Variants in ARHGEF7 observed in about 807,000 individuals in gnomAD.
The protein encoded by ARHGEF7 is Rho guanine nucleotide exchange factor 7.
A neutral mutation model predicts 109.8 loss-of-function variants in ARHGEF7; 33 were observed. That is an observed-to-expected ratio of 0.30 (90% confidence interval 0.23 to 0.40). The LOEUF (loss-of-function observed/expected upper bound fraction) is 0.40, where lower values mean the gene tolerates loss of function less well. Ranked by LOEUF, ARHGEF7 falls within the 10% of genes least tolerant of loss-of-function variation. ARHGEF7 has a pLI of 1.00. For synonymous variants in ARHGEF7, 458 were observed against 424.6 expected, an observed-to-expected ratio of 1.08 and a Z score of -0.97; for missense variants, 938 against 1,098.5, an observed-to-expected ratio of 0.85 and a Z score of 2.07.
chr13:111,115,408 C>T lies in ARHGEF7; in HGVS notation c.-119C>T. 2.7e-6 allele frequency: 2 copies of T among 739,480 alleles called. No homozygotes were observed. Among genetic ancestry groups the T allele is most frequent in the African/African-American group, 1.9e-5 (1 of 51,672 alleles). 45.8% of individuals were successfully genotyped at this position (739,480 alleles called of 1,614,324 possible). On this transcript the variant is annotated 5_prime_UTR_variant, in exon 1 of 22. Transcript: ENST00000646102. The stretch of plus-strand genomic sequence containing the variant: ...ACCTGCTGGGCCGCGCCGAGCCAAT[C>T]GCCGGCGCCGGCCGCTCGATGGGCG...
chr13:111,168,766 C>G (rs183752802), intron 2 of ARHGEF7, among the ~76,000 whole-genome samples: 1 of 152,064 alleles, frequency 6.6e-6, no homozygotes, highest in Non-Finnish European at 1.5e-5. Context: ...GTAAAAATGG[C>G]ATAGTTTTGT....
At chr13:111,137,869 G>C (rs899508643) in intron 1 of ARHGEF7, among the ~76,000 whole-genome samples, 1 of 152,098 alleles carries the variant, frequency 6.6e-6, no homozygotes, top group African/African-American at 2.4e-5. Context: ...AAGATATTGA[G>C]TCACAAAAAA....
chr13:111,173,123 C>T (rs577354542), intron 2 of ARHGEF7, among the ~76,000 whole-genome samples: 27 of 152,264 alleles, frequency 1.8e-4, no homozygotes, highest in African/African-American at 6.3e-4. Flanking sequence ...TGCTCACTCT[C>T]AACCCACACC....
intron 5 of ARHGEF7, among the ~76,000 whole-genome samples, chr13:111,219,206 T>C (rs2083511816): frequency 6.6e-6 from 1 of 152,240 alleles, no homozygotes; most frequent in Non-Finnish European, 1.5e-5. Flanking sequence ...TCTACCATTC[T>C]GCTTTCTGTC....
chr13:111,178,001 G>A (rs2078334090), intron 2 of ARHGEF7, among the ~76,000 whole-genome samples: 1 of 152,196 alleles, frequency 6.6e-6, no homozygotes, highest in South Asian at 2.1e-4. Flanking sequence ...GGAATTCTGT[G>A]TTCACTCAGT....
intron 8 of ARHGEF7, among the ~76,000 whole-genome samples, chr13:111,247,660 G>T (rs1464148445): frequency 1.3e-5 from 2 of 152,014 alleles, no homozygotes; most frequent in Admixed American, 6.5e-5. Flanking sequence ...GCTGCCTGTT[G>T]GTTAGACCCA....
rs754171350 is a variant in ARHGEF7, at chr13:111,305,582, T to G, written c.*2469T>G. On this transcript the variant is annotated 3_prime_UTR_variant, in exon 22 of 22. Transcript: ENST00000646102. ...TGTGTGGACTCCTTAATGCCAATCA[T>G]TTCTTCACTTCTCTGGGACACCCAG... 27 of 152,262 alleles carry G rather than the reference T, an allele frequency of 1.8e-4. No individual in the cohort carries two copies. Among genetic ancestry groups the G allele is most frequent in the Non-Finnish European group, 8.8e-5 (6 of 68,050 alleles). The allele number at this position is 152,262 out of a possible 1,614,324, so 9.4% of individuals were successfully genotyped here.
chr13:111,168,229 C>T (rs1468632243), intron 2 of ARHGEF7, among the ~76,000 whole-genome samples: 2 of 148,744 alleles, frequency 1.3e-5, no homozygotes, highest in East Asian at 3.9e-4. Context: ...TTCTCTGCCT[C>T]TGCCGCTCTC....
chr13:111,292,436 C>A (rs943256029), intron 19 of ARHGEF7, 142 bp downstream of exon 19: 4 of 1,465,756 alleles, frequency 2.7e-6, no homozygotes, highest in African/African-American at 1.4e-5. Flanking sequence ...ATTTTAACAA[C>A]TTTTGAGAGT....
intron 15 of ARHGEF7, among the ~76,000 whole-genome samples, chr13:111,282,193 T>TGCTGTGTA (rs1555400562): frequency 6.6e-6 from 1 of 152,142 alleles, no homozygotes; most frequent in Non-Finnish European, 1.5e-5. Context: ...TGGCATTAGC[T>TGCTGTGTA]GCCGTCCCTC....
intron 14 of ARHGEF7, 82 bp from the exon 15 acceptor site, chr13:111,280,456 T>C: frequency 2.5e-6 from 4 of 1,582,284 alleles, no homozygotes; most frequent in Non-Finnish European, 3.4e-6. Flanking sequence ...GTTTAAGCGC[T>C]GAGTGGAATT....
intron 5 of ARHGEF7, among the ~76,000 whole-genome samples, chr13:111,227,757 C>T (rs1218671939): frequency 6.6e-6 from 1 of 152,186 alleles, no homozygotes; most frequent in Non-Finnish European, 1.5e-5. Flanking sequence ...TTGGTTTCCT[C>T]TGTTGGTGTG....
chr13:111,165,700 C>G (rs753950926), intron 2 of ARHGEF7, among the ~76,000 whole-genome samples: 3 of 152,110 alleles, frequency 2.0e-5, no homozygotes, highest in Non-Finnish European at 1.5e-5. Flanking sequence ...TCCTGCACAG[C>G]GGTACAGCTG....
intron 1 of ARHGEF7, among the ~76,000 whole-genome samples, chr13:111,123,872 C>T (rs2067375942): frequency 7.2e-6 from 1 of 139,586 alleles, no homozygotes; most frequent in Non-Finnish European, 1.6e-5. Flanking sequence ...GCCCCCCCCC[C>T]CCGGCCCCGC....
At chr13:111,139,148 G>A (rs887227136) in intron 1 of ARHGEF7, among the ~76,000 whole-genome samples, 3 of 152,238 alleles carry the variant, frequency 2.0e-5, no homozygotes, top group Non-Finnish European at 4.4e-5. Flanking sequence ...AGGTACAGTA[G>A]AGATGGCAGA....
intron 1 of ARHGEF7, among the ~76,000 whole-genome samples, chr13:111,125,779 G>C (rs2067518569): frequency 6.6e-6 from 1 of 152,198 alleles, no homozygotes; most frequent in Non-Finnish European, 1.5e-5. Flanking sequence ...CCCATTTGTA[G>C]TTAGCAGATT....
chr13:111,129,432 A>G (rs2074622101), intron 1 of ARHGEF7, among the ~76,000 whole-genome samples: 1 of 152,236 alleles, frequency 6.6e-6, no homozygotes, highest in South Asian at 2.1e-4. Flanking sequence ...TGTTAAGAGA[A>G]TGAAAAGACA....
At chr13:111,216,337 G>T (rs1192112661) in intron 4 of ARHGEF7, among the ~76,000 whole-genome samples, 2 of 152,188 alleles carry the variant, frequency 1.3e-5, no homozygotes, top group Non-Finnish European at 2.9e-5. Flanking sequence ...AGAAGTGTGG[G>T]TGGTCTCAGG....
At chr13:111,126,663 T>C (rs746415421) in intron 1 of ARHGEF7, among the ~76,000 whole-genome samples, 1 of 152,164 alleles carries the variant, frequency 6.6e-6, no homozygotes, top group Non-Finnish European at 1.5e-5. Flanking sequence ...AAAATAAAAG[T>C]TCATTTATGG....
Sources: allele counts gnomAD v4.1 joint callset (sites outside exome capture counted in the v4.1 genomes callset), GRCh38; gene constraint gnomAD v4.1.1; transcripts MANE v1.5; gene names NCBI Gene and HGNC (gene_info 2026-07-23, HGNC 2026-07-21).